Variants in DPYD observed in about 807,000 individuals in gnomAD.
The protein encoded by DPYD is dihydropyrimidine dehydrogenase [NADP(+)].
Under a neutral mutation model 116.2 loss-of-function variants are expected in DPYD, and 109 were observed. The ratio of observed to expected loss-of-function variants is 0.94; its 90% CI spans 0.80 to 1.10. The LOEUF is 1.10. Among genes scored for constraint, DPYD ranks in the 50% least tolerant of loss-of-function variants. The pLI is 0.00. For missense variants in DPYD, 1,302 were observed against 1,254.5 expected (o/e 1.04, Z -0.57); for synonymous variants, 440 against 432.0 (o/e 1.02, Z -0.23).
intron 7 of DPYD, 62 bp downstream of exon 7, chr1:97,691,655 T>C (rs1661012775): frequency 1.5e-6 from 2 of 1,353,852 alleles, no homozygotes; most frequent in Non-Finnish European, 2.1e-6. Context: ...CTGTTAATCT[T>C]TAGTGTAGAG....
At chr1:97,290,811 G>A (rs1431870370) in intron 18 of DPYD, among the ~76,000 whole-genome samples, 1 of 152,142 alleles carries the variant, frequency 6.6e-6, no homozygotes, top group Non-Finnish European at 1.5e-5. Flanking sequence ...AAAAGCAATG[G>A]CAACAAAAGC....
At chr1:97,178,157 A>G (rs1375325272) in intron 20 of DPYD, among the ~76,000 whole-genome samples, 2 of 152,176 alleles carry the variant, frequency 1.3e-5, no homozygotes, top group East Asian at 3.9e-4. Flanking sequence ...AAGAAAGGCT[A>G]TGTGGTAGCC....
At chr1:97,585,288 T>TA (rs934994673) in intron 10 of DPYD, among the ~76,000 whole-genome samples, 54 of 152,194 alleles carry the variant, frequency 3.5e-4, no homozygotes, top group Non-Finnish European at 6.3e-4. Flanking sequence ...GCAGGAAGCA[T>TA]AAAAAGCCCA....
intron 20 of DPYD, among the ~76,000 whole-genome samples, chr1:97,172,719 AAACT>A: frequency 6.6e-6 from 1 of 152,324 alleles, no homozygotes. Flanking sequence ...CCAAAAGCAC[AAACT>A]AAGAATGAAG....
At chr1:97,512,283 A>G (rs563970117) in intron 13 of DPYD, among the ~76,000 whole-genome samples, 9 of 152,038 alleles carry the variant, frequency 5.9e-5, no homozygotes, top group Admixed American at 5.9e-4. Flanking sequence ...TTAGCATTTT[A>G]TAAGAGAGAC....
chr1:97,152,439 T>TACAC (rs71590217), intron 20 of DPYD, among the ~76,000 whole-genome samples: 2,749 of 145,318 alleles, frequency 0.019, 53 homozygotes, highest in African/African-American at 0.056. Context: ...CTGAATCACA[T>TACAC]ACACACACAC....
rs138411403 is a variant in DPYD at position 97,792,786 on chromosome 1, C to T, written c.233+35328G>A. 3.3e-5 allele frequency among the ~76,000 whole-genome samples: 5 copies of T among 152,218 alleles called. No individual in the cohort carries two copies. In the East Asian group the frequency reaches 9.7e-4, roughly 29 times the overall value. ...AATCCCACTCTAATCATGAGGAAAA[C>T]ATCAGACGAATTCTAAGTAAGGCAC... On this transcript the variant is annotated intron_variant, in intron 3 of 22. Transcript: ENST00000370192.
chr1:97,882,993 T>C (rs1048530858), intron 2 of DPYD, among the ~76,000 whole-genome samples: 8 of 152,182 alleles, frequency 5.3e-5, no homozygotes, highest in Admixed American at 5.2e-4. Context: ...TTATCAAAAA[T>C]GCTTGACAAC....
chr1:97,867,017 A>C (rs955706029), intron 2 of DPYD, among the ~76,000 whole-genome samples: 1 of 151,762 alleles, frequency 6.6e-6, no homozygotes, highest in African/African-American at 2.4e-5. Flanking sequence ...AACATAATCT[A>C]TTTTAGGTTT....
chr1:97,583,824 T>G (rs958665924), intron 10 of DPYD, among the ~76,000 whole-genome samples: 2 of 152,130 alleles, frequency 1.3e-5, no homozygotes, highest in Admixed American at 1.3e-4. Context: ...TGTTGGACAT[T>G]TGGGTTGGTT....
chr1:97,452,192 T>C (rs1482368612), intron 13 of DPYD, among the ~76,000 whole-genome samples: 5 of 152,098 alleles, frequency 3.3e-5, no homozygotes, highest in East Asian at 3.9e-4. Flanking sequence ...TCCAACTCCA[T>C]TGAGTCTTAG....
intron 5 of DPYD, among the ~76,000 whole-genome samples, chr1:97,718,738 T>G (rs1413067721): frequency 6.6e-6 from 1 of 151,870 alleles, no homozygotes; most frequent in South Asian, 2.1e-4. Context: ...GAAAGATGCA[T>G]TCTCATTTCC....
At chr1:97,659,655 G>A (rs1000098863) in intron 8 of DPYD, among the ~76,000 whole-genome samples, 3 of 152,050 alleles carry the variant, frequency 2.0e-5, no homozygotes, top group Non-Finnish European at 4.4e-5. Context: ...CCTCAAAACA[G>A]CAAGTTAAAT....
intron 3 of DPYD, chr1:97,797,207 A>G (rs574972424): frequency 2.0e-5 from 3 of 152,302 alleles, no homozygotes; most frequent in African/African-American, 4.8e-5. Context: ...TTACTATGCT[A>G]TTGGAAGCCA....
chr1:97,225,513 AT>A (rs1173438148), intron 19 of DPYD, among the ~76,000 whole-genome samples: 6 of 138,496 alleles, frequency 4.3e-5, no homozygotes, highest in South Asian at 4.5e-4. Context: ...ATGATTTCAC[AT>A]TTTTTTTCTT....
intron 8 of DPYD, among the ~76,000 whole-genome samples, chr1:97,615,182 A>G (rs150372988): frequency 2.6e-5 from 4 of 152,170 alleles, no homozygotes; most frequent in Non-Finnish European, 5.9e-5. Flanking sequence ...CAGTTGTCCA[A>G]CTGCTTACTG....
At chr1:97,404,936 C>T (rs1673570250) in intron 14 of DPYD, among the ~76,000 whole-genome samples, 1 of 149,320 alleles carries the variant, frequency 6.7e-6, no homozygotes, top group African/African-American at 2.4e-5. Flanking sequence ...TTCTTTTTAG[C>T]ATATCACTTG....
At chr1:97,212,122 T>C (rs1259710529) in intron 19 of DPYD, among the ~76,000 whole-genome samples, 1 of 152,112 alleles carries the variant, frequency 6.6e-6, no homozygotes, top group Non-Finnish European at 1.5e-5. Flanking sequence ...AAGGCAATGA[T>C]ATTTTTGTAA....
At chr1:97,162,108 A>G (rs1655954551) in intron 20 of DPYD, among the ~76,000 whole-genome samples, 1 of 152,080 alleles carries the variant, frequency 6.6e-6, no homozygotes, top group African/African-American at 2.4e-5. Flanking sequence ...GGCTGGGTCA[A>G]ATGGTATTTC....
Sources: allele counts gnomAD v4.1 joint callset (sites outside exome capture counted in the v4.1 genomes callset), GRCh38; gene constraint gnomAD v4.1.1; transcripts MANE v1.5; gene names NCBI Gene and HGNC (gene_info 2026-07-23, HGNC 2026-07-21).